PLD5: variants seen among roughly 807,000 people sequenced by gnomAD.
PLD5 encodes the protein inactive phospholipase D5.
Under a neutral mutation model 61.1 loss-of-function variants are expected in PLD5, and 36 were observed. The ratio of observed to expected loss-of-function variants is 0.59; its 90% CI spans 0.45 to 0.78. The LOEUF (loss-of-function observed/expected upper bound fraction) is 0.78. Ranked by LOEUF, PLD5 falls within the 30% of genes least tolerant of loss-of-function variation. The pLI, the probability that PLD5 is intolerant of heterozygous loss-of-function variation, is 0.00. For missense variants in PLD5, 515 were observed against 644.4 expected, an observed-to-expected ratio of 0.80 and a Z score of 2.17; for synonymous variants, 243 against 242.8, an observed-to-expected ratio of 1.00 and a Z score of -0.01.
At chr1:242,313,279 T>C (rs1481550536) in intron 2 of PLD5, among the ~76,000 whole-genome samples, 29 of 152,210 alleles carry the variant, frequency 1.9e-4, no homozygotes, top group Non-Finnish European at 1.8e-4. Flanking sequence ...CCCACAAATA[T>C]CAGTTGCCTA....
At chr1:242,174,491 C>T (rs937732126) in intron 5 of PLD5, among the ~76,000 whole-genome samples, 15 of 151,614 alleles carry the variant, frequency 9.9e-5, no homozygotes, top group South Asian at 4.2e-4. Context: ...GTCAGTGTGG[C>T]GATTCCTCAG....
chr1:242,162,856 G>C (rs1665953075), intron 5 of PLD5, among the ~76,000 whole-genome samples: 1 of 152,082 alleles, frequency 6.6e-6, no homozygotes. Context: ...GAAATATTTG[G>C]GGTGGAGGGT....
intron 2 of PLD5, among the ~76,000 whole-genome samples, chr1:242,341,000 G>T (rs1659800824): frequency 6.6e-6 from 1 of 151,914 alleles, no homozygotes; most frequent in Admixed American, 6.6e-5. Context: ...CTTAGATTCT[G>T]GTCTTTAATA....
intron 5 of PLD5, among the ~76,000 whole-genome samples, chr1:242,179,460 C>G (rs1448469443): frequency 1.3e-5 from 2 of 152,212 alleles, no homozygotes; most frequent in African/African-American, 4.8e-5. Context: ...CACCCCTATT[C>G]TCTCAGTCCC....
chr1:242,168,554 A>G (rs575347238), intron 5 of PLD5, among the ~76,000 whole-genome samples: 8 of 152,336 alleles, frequency 5.3e-5, no homozygotes, highest in African/African-American at 1.9e-4. Context: ...TTTATGAAGT[A>G]AGAGGCTCTT....
chr1:242,330,169 A>T (rs2149200174), intron 2 of PLD5, among the ~76,000 whole-genome samples: 1 of 152,310 alleles, frequency 6.6e-6, no homozygotes, highest in East Asian at 1.9e-4. Context: ...AGAAAAAAAA[A>T]TGGTTCCTTC....
At chr1:242,491,741 C>T (rs1254768888) in intron 1 of PLD5, among the ~76,000 whole-genome samples, 1 of 152,154 alleles carries the variant, frequency 6.6e-6, no homozygotes, top group Non-Finnish European at 1.5e-5. Flanking sequence ...TTCTGTGGCA[C>T]TGTGTTCTCC....
intron 2 of PLD5, among the ~76,000 whole-genome samples, chr1:242,331,968 T>C (rs564122914): frequency 7.8e-4 from 118 of 152,204 alleles, no homozygotes; most frequent in Non-Finnish European, 1.4e-3. Flanking sequence ...ACACGTGCCA[T>C]GGTGGTTTGC....
At chr1:242,300,757 A>AAT (rs1175807933) in intron 2 of PLD5, among the ~76,000 whole-genome samples, 1 of 5,202 alleles carries the variant, frequency 1.9e-4, no homozygotes. Context: ...CAGCGGGACA[A>AAT]GGGTTGCAGC....
intron 1 of PLD5, among the ~76,000 whole-genome samples, chr1:242,475,629 G>A (rs1273700057): frequency 6.6e-6 from 1 of 152,082 alleles, no homozygotes; most frequent in African/African-American, 2.4e-5. Flanking sequence ...ACTGTCATGT[G>A]CCCTGGGCTC....
At chr1:242,426,352 C>G (rs374134348) in intron 1 of PLD5, among the ~76,000 whole-genome samples, 2 of 151,490 alleles carry the variant, frequency 1.3e-5, no homozygotes, top group South Asian at 4.2e-4. Flanking sequence ...AGGAGTACAC[C>G]CGAACATAGC....
At chr1:242,239,614 T>A (rs1413438844) in intron 4 of PLD5, among the ~76,000 whole-genome samples, 1 of 152,184 alleles carries the variant, frequency 6.6e-6, no homozygotes, top group East Asian at 1.9e-4. Context: ...TCTTAGAATC[T>A]AGATCTACCA....
chr1:242,432,394 C>T (rs184086054), intron 1 of PLD5, among the ~76,000 whole-genome samples: 9 of 152,238 alleles, frequency 5.9e-5, no homozygotes, highest in South Asian at 2.1e-4. Context: ...AGGCTGCCAA[C>T]GTAGGGGACA....
At chr1:242,303,051 C>T (rs555369900) in intron 2 of PLD5, among the ~76,000 whole-genome samples, 22 of 152,236 alleles carry the variant, frequency 1.4e-4, no homozygotes, top group East Asian at 1.4e-3. Context: ...TTAGACCGCT[C>T]GGCCATCCTG....
intron 1 of PLD5, among the ~76,000 whole-genome samples, chr1:242,479,810 G>A (rs2102960380): frequency 6.6e-6 from 1 of 152,082 alleles, no homozygotes; most frequent in South Asian, 2.1e-4. Flanking sequence ...TTGGGAGGCT[G>A]AGGTGGGTGG....
chr1:242,237,660 G>C (rs780912444), intron 4 of PLD5, among the ~76,000 whole-genome samples: 1 of 152,188 alleles, frequency 6.6e-6, no homozygotes, highest in African/African-American at 2.4e-5. Flanking sequence ...GCCTGGGCTG[G>C]TGGTAACATT....
intron 5 of PLD5, among the ~76,000 whole-genome samples, chr1:242,212,407 C>T (rs761385718): frequency 1.2e-4 from 19 of 152,198 alleles, no homozygotes; most frequent in Non-Finnish European, 2.6e-4. Flanking sequence ...ACCAGAGCTG[C>T]GCGACCATGC....
chr1:242,337,845 A>G (rs1451325212), intron 2 of PLD5, among the ~76,000 whole-genome samples: 2 of 152,164 alleles, frequency 1.3e-5, no homozygotes, highest in African/African-American at 4.8e-5. Flanking sequence ...GAACTTACCT[A>G]AGTTTCATGT....
rs897688932 is a variant in PLD5, at chr1:242,083,603, T to A, written c.*6251A>T. 1.6e-4 allele frequency: 25 copies of A among 152,340 alleles called. No individual in the cohort carries two copies. Among genetic ancestry groups the A allele is most frequent in the Middle Eastern group, 3.4e-3 (1 of 294 alleles). The allele number at this position is 152,340 out of a possible 1,614,324, so 9.4% of individuals were successfully genotyped here. On this transcript the variant is annotated 3_prime_UTR_variant, in exon 10 of 10. Coordinates refer to ENST00000536534, the MANE Select transcript of PLD5 (RefSeq NM_001372062.1). ...TTTTCAAAGTGCTTTATCAGTACCA[T>A]AACTTTGCTGAAAATATGGTGTTGC...
Sources: allele counts gnomAD v4.1 joint callset (sites outside exome capture counted in the v4.1 genomes callset), GRCh38; gene constraint gnomAD v4.1.1; transcripts MANE v1.5; gene names NCBI Gene and HGNC (gene_info 2026-07-23, HGNC 2026-07-21).